Variants in ROBO1 observed in about 807,000 individuals in gnomAD.
ROBO1 encodes the protein roundabout guidance receptor 1.
ROBO1 carries 149 observed loss-of-function variants against 195.9 expected under a neutral mutation model. That is an observed-to-expected ratio of 0.76 (90% CI 0.67 to 0.87). The LOEUF (loss-of-function observed/expected upper bound fraction) is 0.87, where lower values mean the gene tolerates loss of function less well. ROBO1 is among the 40% of genes least tolerant of loss of function. The pLI is 0.00. For synonymous variants in ROBO1, 816 were observed against 733.2 expected (o/e 1.11, Z -1.82); for missense variants, 1,933 against 2,068.3 (o/e 0.93, Z 1.27).
chr3:79,327,574 C>G (rs1381164199), intron 2 of ROBO1, among the ~76,000 whole-genome samples: 1 of 151,632 alleles, frequency 6.6e-6, no homozygotes, highest in African/African-American at 2.4e-5. Context: ...AGATAGATTC[C>G]TCAAAATAAA....
chr3:79,427,282 TA>T (rs1280874122), intron 2 of ROBO1, among the ~76,000 whole-genome samples: 1 of 152,194 alleles, frequency 6.6e-6, no homozygotes, highest in Non-Finnish European at 1.5e-5. Context: ...ACTTGGATGC[TA>T]ACATTTTCAG....
At chr3:78,700,338 C>T (rs553694753) in intron 8 of ROBO1, among the ~76,000 whole-genome samples, 168 of 152,242 alleles carry the variant, frequency 1.1e-3, no homozygotes, top group Non-Finnish European at 1.8e-3. Context: ...TAGTACCCAG[C>T]GTACTGTTTT....
At chr3:79,196,688 C>T (rs768388235) in intron 2 of ROBO1, among the ~76,000 whole-genome samples, 3 of 151,862 alleles carry the variant, frequency 2.0e-5, no homozygotes, top group South Asian at 2.1e-4. Flanking sequence ...TAACTGCTAA[C>T]GATCAATCTG....
At chr3:79,495,281 AGG>A (rs1370042619) in intron 2 of ROBO1, among the ~76,000 whole-genome samples, 1 of 152,172 alleles carries the variant, frequency 6.6e-6, no homozygotes, top group African/African-American at 2.4e-5. Context: ...TCACATAAAG[AGG>A]GGCGAACAAT....
intron 2 of ROBO1, among the ~76,000 whole-genome samples, chr3:79,306,560 C>T (rs1344679755): frequency 2.6e-5 from 4 of 152,086 alleles, no homozygotes; most frequent in East Asian, 1.9e-4. Flanking sequence ...CCTGGGGCTC[C>T]GGCTTCTTTA....
intron 3 of ROBO1, among the ~76,000 whole-genome samples, chr3:79,041,178 T>C (rs2078481432): frequency 6.6e-6 from 1 of 152,174 alleles, no homozygotes; most frequent in East Asian, 1.9e-4. Flanking sequence ...GAAGTCAGTA[T>C]TTTTTTAGTA....
At chr3:79,586,514 T>C (rs944251286) in intron 2 of ROBO1, among the ~76,000 whole-genome samples, 2 of 151,886 alleles carry the variant, frequency 1.3e-5, no homozygotes, top group Non-Finnish European at 2.9e-5. Flanking sequence ...ATTTAGAGTA[T>C]GGAGAGGAAA....
rs141232163 is a variant in ROBO1 at position 78,950,183 on chromosome 3, A to T, written c.173-11256T>A. Reference sequence around the variant, plus strand: ...TGGGTATATACCCAAAGGATTATAAATCATGCTGCTATAAAGACACATGCA... The same window carrying T: ...TGGGTATATACCCAAAGGATTATAATTCATGCTGCTATAAAGACACATGCA... On this transcript the variant is annotated intron_variant, in intron 3 of 30. Transcript: ENST00000464233. Among the ~76,000 whole-genome samples the T allele has an allele frequency of 2.7e-3, 417 of 152,288 alleles. 5 individuals carry two copies. The highest frequency in any genetic ancestry group is 9.3e-3 in the African/African-American group (385 of 41,574).
chr3:78,787,493 A>G (rs1200473682), intron 4 of ROBO1, among the ~76,000 whole-genome samples: 1 of 152,208 alleles, frequency 6.6e-6, no homozygotes, highest in East Asian at 1.9e-4. Flanking sequence ...CAGGGTACAT[A>G]ATAACCATAA....
chr3:79,351,636 C>A, intron 2 of ROBO1, among the ~76,000 whole-genome samples: 1 of 152,096 alleles, frequency 6.6e-6, no homozygotes, highest in African/African-American at 2.4e-5. Flanking sequence ...GATTATTGTT[C>A]ATTTCATCCC....
At chr3:79,000,476 C>T (rs2077475558) in intron 3 of ROBO1, among the ~76,000 whole-genome samples, 1 of 152,120 alleles carries the variant, frequency 6.6e-6, no homozygotes, top group Admixed American at 6.5e-5. Flanking sequence ...TATGAACAGA[C>T]ACTTTTCAAA....
At chr3:78,666,511 A>G (rs1443215885) in intron 14 of ROBO1, among the ~76,000 whole-genome samples, 2 of 152,200 alleles carry the variant, frequency 1.3e-5, no homozygotes, top group African/African-American at 4.8e-5. Context: ...CAAAAGTTTA[A>G]ATTCATTTTA....
chr3:79,049,731 G>A (rs906861882), intron 3 of ROBO1, among the ~76,000 whole-genome samples: 3 of 152,098 alleles, frequency 2.0e-5, no homozygotes, highest in Admixed American at 2.0e-4. Flanking sequence ...AGAAGAGAGT[G>A]GTGGCCAATA....
At chr3:79,365,850 T>TCG (rs1452091397) in intron 2 of ROBO1, among the ~76,000 whole-genome samples, 3 of 146,598 alleles carry the variant, frequency 2.0e-5, no homozygotes, top group Non-Finnish European at 4.5e-5. Context: ...TGAGCCGAGA[T>TCG]CGCGCCACTG....
intron 2 of ROBO1, among the ~76,000 whole-genome samples, chr3:79,175,785 C>T (rs763756918): frequency 1.3e-5 from 2 of 152,182 alleles, no homozygotes; most frequent in East Asian, 3.9e-4. Context: ...ATTTCACTAA[C>T]TTTATAAACA....
intron 2 of ROBO1, among the ~76,000 whole-genome samples, chr3:79,348,334 C>G (rs2035209268): frequency 6.6e-6 from 1 of 151,638 alleles, no homozygotes; most frequent in African/African-American, 2.4e-5. Context: ...ACACAAGTAA[C>G]AGAAGCACCT....
intron 1 of ROBO1, among the ~76,000 whole-genome samples, chr3:79,734,739 T>A (rs1703306414): frequency 1.3e-5 from 2 of 150,802 alleles, no homozygotes; most frequent in Non-Finnish European, 3.0e-5. Flanking sequence ...TCCATAGGTC[T>A]GAGTGGGAGC....
At chr3:79,626,840 C>T (rs563186320) in intron 1 of ROBO1, among the ~76,000 whole-genome samples, 1 of 152,234 alleles carries the variant, frequency 6.6e-6, no homozygotes, top group East Asian at 1.9e-4. Context: ...AAGTCACAAG[C>T]ATTCCTTTAT....
chr3:78,605,589 T>C (rs758371913), intron 29 of ROBO1, among the ~76,000 whole-genome samples: 1 of 152,234 alleles, frequency 6.6e-6, no homozygotes, highest in Non-Finnish European at 1.5e-5. Flanking sequence ...CACCTCTGTG[T>C]TGTGGGTTCT....
Sources: allele counts gnomAD v4.1 joint callset (sites outside exome capture counted in the v4.1 genomes callset), GRCh38; gene constraint gnomAD v4.1.1; transcripts MANE v1.5; gene names NCBI Gene and HGNC (gene_info 2026-07-23, HGNC 2026-07-21).